SNAP23: variants seen among roughly 807,000 people sequenced by gnomAD.
SNAP23 encodes synaptosomal-associated protein 23.
A neutral mutation model predicts 29.0 loss-of-function variants in SNAP23; 11 were observed. That is an observed-to-expected ratio of 0.38 (90% confidence interval 0.24 to 0.63). The LOEUF (loss-of-function observed/expected upper bound fraction) is 0.63, where lower values mean the gene tolerates loss of function less well. SNAP23 is among the 20% of genes least tolerant of loss of function. The pLI is 0.58. For missense variants in SNAP23, 220 were observed against 253.9 expected, an observed-to-expected ratio of 0.87 and a Z score of 0.91; for synonymous variants, 60 against 82.9, an observed-to-expected ratio of 0.72 and a Z score of 1.50.
rs576462824 is a variant in SNAP23, at chr15:42,525,531, T to C, written c.267-2731T>C. Among the ~76,000 whole-genome samples, 10 of 122,722 alleles carry C rather than the reference T, an allele frequency of 8.1e-5. No individual in the cohort carries two copies. The East Asian group carries it at 3.0e-3, about 37-fold the overall frequency. The allele number at this position is 122,722 out of a possible 152,430, so 80.5% of individuals were successfully genotyped here. ...AAGGCTGCAGTGCAGTGGCACGATC[T>C]GGGCTCACTGCAACCTCTGCCTCCC... is the stretch of plus-strand genomic sequence containing the variant. On this transcript the variant is annotated intron_variant, in intron 5 of 7. Transcript: ENST00000249647.
At chr15:42,513,042 G>A (rs747379650) in intron 3 of SNAP23, 46 bp downstream of exon 3, 67 of 1,331,756 alleles carry the variant, frequency 5.0e-5, no homozygotes, top group Admixed American at 1.7e-5. Flanking sequence ...ATTTATAGGA[G>A]CGATCCTAAT....
chr15:42,518,078 A>G (rs1337834157), intron 5 of SNAP23, among the ~76,000 whole-genome samples: 1 of 152,124 alleles, frequency 6.6e-6, no homozygotes, highest in Non-Finnish European at 1.5e-5. Context: ...TGCTGTAACA[A>G]AACAGTTCCC....
At chr15:42,492,098 A>C (rs2057171446), upstream of SNAP23, among the ~76,000 whole-genome samples, 1 of 151,434 alleles carries the variant, frequency 6.6e-6, no homozygotes, top group Non-Finnish European at 1.5e-5. Flanking sequence ...TTTAGTAGAG[A>C]TGGGGTTTCG....
intron 6 of SNAP23, 89 bp downstream of exon 6, chr15:42,528,509 A>C (rs2057528856): frequency 8.3e-7 from 1 of 1,205,154 alleles, no homozygotes; most frequent in African/African-American, 1.5e-5. Flanking sequence ...CCCCTAATAA[A>C]ACAAATAAAA....
In SNAP23 at chr15:42,531,604, C is replaced by T. The variant is rs2057566471; in HGVS notation, c.*126C>T. ...ATTGGGAGATAATATGGAAGAAGGGCCAGAGCAGTTACAGCCCTCCTTCTT... is the reference window on the plus strand; with the variant it reads ...ATTGGGAGATAATATGGAAGAAGGGTCAGAGCAGTTACAGCCCTCCTTCTT... On this transcript the variant is annotated 3_prime_UTR_variant, in exon 8 of 8. Coordinates refer to ENST00000249647, the MANE Select transcript of SNAP23 (RefSeq NM_003825.4). 3.1e-6 allele frequency: 2 copies of T among 650,032 alleles called. No individual in the cohort carries two copies. The highest frequency in any genetic ancestry group is 5.1e-6 in the Non-Finnish European group (2 of 389,202). 40.3% of individuals were successfully genotyped at this position (650,032 alleles called of 1,614,324 possible).
At chr15:42,523,623 A>G (rs899040201) in intron 5 of SNAP23, among the ~76,000 whole-genome samples, 1 of 152,228 alleles carries the variant, frequency 6.6e-6, no homozygotes, top group Admixed American at 6.5e-5. Flanking sequence ...TATGTCTGTT[A>G]TCAACAGAAC....
upstream of SNAP23, among the ~76,000 whole-genome samples, chr15:42,491,947 G>T (rs1365744675): frequency 6.6e-6 from 1 of 151,248 alleles, no homozygotes; most frequent in Non-Finnish European, 1.5e-5. Context: ...GTCTTGCTCT[G>T]TCGTTCAGGC....
intron 1 of SNAP23, among the ~76,000 whole-genome samples, chr15:42,509,727 T>C (rs1276279110): frequency 6.6e-6 from 1 of 150,966 alleles, no homozygotes; most frequent in East Asian, 2.0e-4. Context: ...CGTGAGCCAC[T>C]GCGCCTGGCC....
chr15:42,511,802 A>G (rs2141524027), intron 1 of SNAP23, 31 bp from the exon 2 acceptor site: 1 of 1,341,188 alleles, frequency 7.5e-7, no homozygotes, highest in East Asian at 2.4e-5. Flanking sequence ...TTCTTATACA[A>G]TATCCACATT....
chr15:42,528,015 A>G lies in SNAP23; in HGVS notation c.267-247A>G, dbSNP rs2057519610. 5 of 398,088 alleles carry G rather than the reference A, an allele frequency of 1.3e-5. No individual in the cohort carries two copies. The East Asian group carries it at 2.0e-4, about 16-fold the overall frequency. 24.7% of individuals were successfully genotyped at this position (398,088 alleles called of 1,614,324 possible). A position where few individuals can be genotyped will look rare whatever the true frequency, so the allele number is the denominator to read the frequency against. On this transcript the variant is annotated intron_variant, in intron 5 of 7. Coordinates refer to ENST00000249647, the MANE Select transcript of SNAP23 (RefSeq NM_003825.4). ...GCCTTTTGCTACTTGCTAACAGCCT[A>G]GTGAAGATTTGGTAGAAGTAGTATT...
intron 6 of SNAP23, among the ~76,000 whole-genome samples, 200 bp downstream of exon 6, chr15:42,528,620 G>C (rs914286458): frequency 6.6e-6 from 1 of 152,116 alleles, no homozygotes; most frequent in Admixed American, 6.6e-5. Flanking sequence ...GAGTCTTGCT[G>C]TGTTGCCCAG....
chr15:42,501,748 G>A (rs1029250111), intron 1 of SNAP23, among the ~76,000 whole-genome samples: 4 of 152,172 alleles, frequency 2.6e-5, no homozygotes, highest in Non-Finnish European at 4.4e-5. Context: ...ATTATGAAAA[G>A]TTATAATAGT....
rs1432033887 is a variant in SNAP23 at position 42,532,930 on chromosome 15, T to TA, written c.*1453dup. 14 of 152,804 alleles carry TA rather than the reference T, an allele frequency of 9.2e-5. No homozygotes were observed. The highest frequency in any genetic ancestry group is 3.4e-4 in the African/African-American group (14 of 41,582). The allele number at this position is 152,804 out of a possible 1,614,324, so 9.5% of individuals were successfully genotyped here. ...AGTTGATGTGGATCCTGAAAAGTGT[T>TA]ATGAACATCTGATTGGTATTTGTCA... On this transcript the variant is annotated 3_prime_UTR_variant, in exon 8 of 8. Coordinates refer to ENST00000249647, the MANE Select transcript of SNAP23 (RefSeq NM_003825.4).
upstream of SNAP23, among the ~76,000 whole-genome samples, chr15:42,492,332 A>G (rs1478139094): frequency 6.6e-6 from 1 of 152,146 alleles, no homozygotes; most frequent in Non-Finnish European, 1.5e-5. Context: ...TGTCCCTCCT[A>G]TATTATTGAG....
intron 5 of SNAP23, among the ~76,000 whole-genome samples, chr15:42,516,634 G>T (rs963187001): frequency 2.0e-5 from 3 of 151,990 alleles, no homozygotes; most frequent in African/African-American, 7.2e-5. Context: ...CGGCCTCAAT[G>T]TATTCATTTT....
chr15:42,518,289 A>G (rs957180604), intron 5 of SNAP23, among the ~76,000 whole-genome samples: 2 of 152,172 alleles, frequency 1.3e-5, no homozygotes, highest in Non-Finnish European at 2.9e-5. Flanking sequence ...ATGAATAACC[A>G]TAACATGAGC....
At chr15:42,496,661 G>A (rs1403090137) in intron 1 of SNAP23, among the ~76,000 whole-genome samples, 1 of 152,066 alleles carries the variant, frequency 6.6e-6, no homozygotes, top group Non-Finnish European at 1.5e-5. Flanking sequence ...AGGTTGCAGT[G>A]AACCGAGATC....
chr15:42,511,436 A>G (rs1567044382), intron 1 of SNAP23, among the ~76,000 whole-genome samples: 1 of 152,176 alleles, frequency 6.6e-6, no homozygotes, highest in Non-Finnish European at 1.5e-5. Flanking sequence ...ACTAAATTGG[A>G]CTTTTCTTCA....
intron 5 of SNAP23, among the ~76,000 whole-genome samples, chr15:42,517,282 A>G (rs1273118504): frequency 6.6e-6 from 1 of 152,226 alleles, no homozygotes; most frequent in Admixed American, 6.5e-5. Context: ...CTTTAAGCAA[A>G]CAAGTTAAAA....
Sources: allele counts gnomAD v4.1 joint callset (sites outside exome capture counted in the v4.1 genomes callset), GRCh38; gene constraint gnomAD v4.1.1; transcripts MANE v1.5; gene names NCBI Gene and HGNC (gene_info 2026-07-23, HGNC 2026-07-21).